Variants in RBM47 observed in about 807,000 individuals in gnomAD.
The protein encoded by RBM47 is RNA-binding protein 47.
A neutral mutation model predicts 47.1 loss-of-function variants in RBM47; 21 were observed. The observed-to-expected ratio is 0.45, with a 90% CI of 0.32 to 0.64. The LOEUF is 0.64. Ranked by LOEUF, RBM47 falls within the 30% of genes least tolerant of loss-of-function variation. The pLI is 0.05. For synonymous variants in RBM47, 375 were observed against 361.7 expected, an observed-to-expected ratio of 1.04 and a Z score of -0.42; for missense variants, 708 against 870.9, an observed-to-expected ratio of 0.81 and a Z score of 2.35.
intron 1 of RBM47, among the ~76,000 whole-genome samples, chr4:40,613,952 G>A (rs974796502): frequency 1.3e-5 from 2 of 151,766 alleles, no homozygotes; most frequent in African/African-American, 4.8e-5. Context: ...AGTACACCTG[G>A]CCTTTACCTA....
chr4:40,514,213 G>T (rs1725296620), intron 2 of RBM47, among the ~76,000 whole-genome samples: 1 of 152,056 alleles, frequency 6.6e-6, no homozygotes, highest in South Asian at 2.1e-4. Flanking sequence ...CACAGGACCT[G>T]GTTCTGAACT....
chr4:40,425,807 G>T lies in RBM47; in HGVS notation c.*97C>A. 6.9e-7 allele frequency: 1 copy of T among 1,452,320 alleles called. No homozygotes were observed. Among genetic ancestry groups the T allele is most frequent in the Non-Finnish European group, 9.4e-7 (1 of 1,069,394 alleles). 90.0% of individuals were successfully genotyped at this position (1,452,320 alleles called of 1,614,324 possible). ...AATCTGCTAACATTCTTCACTTTCA[G>T]GTTGCATGTGTGAATCCAACATGTT... On this transcript the variant is annotated 3_prime_UTR_variant, in exon 7 of 7. Transcript: ENST00000295971.
At chr4:40,451,572 C>A (rs1490948142) in intron 3 of RBM47, among the ~76,000 whole-genome samples, 2 of 152,100 alleles carry the variant, frequency 1.3e-5, no homozygotes, top group African/African-American at 4.8e-5. Context: ...AATGCAATAA[C>A]CCTTACTTAA....
chr4:40,615,757 G>C (rs1243951247), intron 1 of RBM47, among the ~76,000 whole-genome samples: 1 of 152,052 alleles, frequency 6.6e-6, no homozygotes, highest in East Asian at 1.9e-4. Context: ...CTCCAGCCTG[G>C]GCAACAGAGT....
At chr4:40,609,318 G>GTT (rs35224098) in intron 1 of RBM47, among the ~76,000 whole-genome samples, 1,878 of 139,496 alleles carry the variant, frequency 0.013, 47 homozygotes, top group African/African-American at 0.047. Context: ...ATTTTTATTG[G>GTT]TTTTTTTTTT....
chr4:40,602,051 C>T (rs927360290), intron 1 of RBM47, among the ~76,000 whole-genome samples: 1 of 151,908 alleles, frequency 6.6e-6, no homozygotes, highest in Non-Finnish European at 1.5e-5. Flanking sequence ...CACCTGTAAT[C>T]CCAGCTACTC....
At position 40,438,291 on chromosome 4, in the gene RBM47, G is replaced by A. The variant is rs1405691182; in HGVS notation, c.603C>T (p.Tyr201=). ...MKNRGFAFVE[Y]ESHRAAAMAR... Reference sequence around the variant, plus strand: ...CCATGGCAGCCGCGCGGTGGCTCTCGTACTCCACGAAGGCGAAGCCGCGGT... The same window carrying A: ...CCATGGCAGCCGCGCGGTGGCTCTCATACTCCACGAAGGCGAAGCCGCGGT... The change falls in exon 4 of 7, where the codon TAC becomes TAT. Residue 201 remains tyrosine, a synonymous_variant. Transcript: ENST00000295971. 2.5e-6 allele frequency: 4 copies of A among 1,604,540 alleles called. No individual in the cohort carries two copies. The highest frequency in any genetic ancestry group is 3.3e-5 in the Admixed American group (2 of 59,998).
At chr4:40,481,799 G>T (rs769905513) in intron 2 of RBM47, among the ~76,000 whole-genome samples, 2 of 152,166 alleles carry the variant, frequency 1.3e-5, no homozygotes, top group Admixed American at 6.5e-5. Flanking sequence ...CGATCCGCCC[G>T]CCTTGGTCTT....
At chr4:40,615,053 G>A (rs968134248) in intron 1 of RBM47, among the ~76,000 whole-genome samples, 4 of 152,024 alleles carry the variant, frequency 2.6e-5, no homozygotes, top group Non-Finnish European at 4.4e-5. Flanking sequence ...TTGAACACAG[G>A]AGGTTGAAGC....
intron 3 of RBM47, among the ~76,000 whole-genome samples, chr4:40,451,184 C>CAAAAAAA (rs958122281): frequency 1.9e-5 from 1 of 51,474 alleles, no homozygotes; most frequent in Non-Finnish European, 4.5e-5. Flanking sequence ...CAGTAGCTAC[C>CAAAAAAA]AAAAAAAAAA....
At chr4:40,434,516 C>T (rs1711974314) in intron 5 of RBM47, among the ~76,000 whole-genome samples, 1 of 151,958 alleles carries the variant, frequency 6.6e-6, no homozygotes, top group Non-Finnish European at 1.5e-5. Flanking sequence ...CTTAAGCTAC[C>T]GTAACTTGCC....
At chr4:40,512,372 C>T (rs1337071470) in intron 2 of RBM47, among the ~76,000 whole-genome samples, 1 of 145,970 alleles carries the variant, frequency 6.9e-6, no homozygotes, top group Non-Finnish European at 1.5e-5. Flanking sequence ...CGAGATTGCG[C>T]CACTGCATTC....
At chr4:40,589,069 G>T (rs1024596908) in intron 1 of RBM47, among the ~76,000 whole-genome samples, 2 of 144,740 alleles carry the variant, frequency 1.4e-5, no homozygotes, top group African/African-American at 5.2e-5. Context: ...CACCTCCCGG[G>T]TTCAAGTGAT....
intron 1 of RBM47, among the ~76,000 whole-genome samples, chr4:40,621,176 G>A (rs1411089236): frequency 6.6e-6 from 1 of 152,052 alleles, no homozygotes; most frequent in Non-Finnish European, 1.5e-5. Context: ...CTACCTTCAA[G>A]ATGGTTTTAG....
intron 2 of RBM47, among the ~76,000 whole-genome samples, chr4:40,529,515 CAAAAAAAAAAAAAA>C (rs56381747): frequency 9.3e-4 from 17 of 18,338 alleles, no homozygotes; most frequent in African/African-American, 2.2e-3. Flanking sequence ...GACTCTGTCA[CAAAAAAAAAAAAAA>C]AAAAAAAAAA....
intron 1 of RBM47, among the ~76,000 whole-genome samples, chr4:40,618,821 AAAAAAAAAAAAAAG>A (rs1442635917): frequency 6.6e-6 from 1 of 150,608 alleles, no homozygotes; most frequent in Non-Finnish European, 1.5e-5. Flanking sequence ...AAAAAAAAAA[AAAAAAAAAAAAAAG>A]GGAAACTTCC....
At chr4:40,471,182 A>T (rs531646741) in intron 2 of RBM47, among the ~76,000 whole-genome samples, 1 of 152,344 alleles carries the variant, frequency 6.6e-6, no homozygotes, top group South Asian at 2.1e-4. Context: ...CAGTTTGACC[A>T]TGGCATGCTA....
At chr4:40,620,974 G>C (rs1276982627) in intron 1 of RBM47, among the ~76,000 whole-genome samples, 1 of 150,636 alleles carries the variant, frequency 6.6e-6, no homozygotes, top group Admixed American at 6.6e-5. Context: ...AAATTGTGAT[G>C]ATGTCTTCCA....
chr4:40,469,875 T>G (rs1560394863), intron 2 of RBM47, among the ~76,000 whole-genome samples: 2 of 151,740 alleles, frequency 1.3e-5, no homozygotes, highest in South Asian at 4.2e-4. Flanking sequence ...CCTCAAGCGA[T>G]CTGCTGGCCT....
Sources: gnomAD v4.1 joint callset for allele counts (sites outside exome capture counted in the v4.1 genomes callset) on GRCh38, gnomAD v4.1.1 for gene constraint, MANE v1.5 for transcripts, NCBI Gene and HGNC (gene_info 2026-07-23, HGNC 2026-07-21) for gene names.